The following PNPT1 variants were observed in gnomAD, a reference collection of about 807,000 sequenced individuals.
PNPT1 encodes the protein polyribonucleotide nucleotidyltransferase 1, also known as polyribonucleotide nucleotidyltransferase 1, mitochondrial.
PNPT1 carries 53 observed loss-of-function variants against 119.5 expected under a neutral mutation model. The ratio of observed to expected loss-of-function variants is 0.44; its 90% CI spans 0.36 to 0.56. PNPT1 has a LOEUF of 0.56. Among genes scored for constraint, PNPT1 ranks in the 20% least tolerant of loss-of-function variants. The pLI is 0.00. For synonymous variants in PNPT1, 357 were observed against 322.1 expected, an observed-to-expected ratio of 1.11 and a Z score of -1.16; for missense variants, 948 against 938.5, an observed-to-expected ratio of 1.01 and a Z score of -0.13.
At chr2:55,659,311 C>T (rs1023730988) in intron 15 of PNPT1, among the ~76,000 whole-genome samples, 18 of 152,074 alleles carry the variant, frequency 1.2e-4, no homozygotes, top group African/African-American at 4.3e-4. Context: ...AGGTCTGGTC[C>T]CTTAGGATTT....
At chr2:55,644,269 T>C (rs1021157632) in intron 23 of PNPT1, among the ~76,000 whole-genome samples, 10 of 152,186 alleles carry the variant, frequency 6.6e-5, no homozygotes, top group Non-Finnish European at 1.0e-4. Flanking sequence ...TTTTTTTATA[T>C]ACTCTTTAAA....
intron 7 of PNPT1, among the ~76,000 whole-genome samples, chr2:55,680,221 T>C (rs1170995875): frequency 6.6e-6 from 1 of 152,208 alleles, no homozygotes; most frequent in Non-Finnish European, 1.5e-5. Context: ...ATAACACTGA[T>C]CATAAGTAAT....
intron 5 of PNPT1, 110 bp downstream of exon 5, chr2:55,683,675 C>T (rs1697314408): frequency 1.1e-5 from 9 of 833,440 alleles, no homozygotes; most frequent in Middle Eastern, 3.7e-4. Context: ...ATAACAGTAT[C>T]ATAAAAAATT....
At chr2:55,661,854 C>T in intron 14 of PNPT1, 102 bp downstream of exon 14, 2 of 1,113,318 alleles carry the variant, frequency 1.8e-6, no homozygotes, top group Non-Finnish European at 1.2e-6. Context: ...TACAAAAACA[C>T]AGGTTAAAAA....
Position 55,683,754 on chromosome 2 carries a change from T to A in PNPT1, c.453+31A>T. 4 of 1,577,784 alleles carry A rather than the reference T, an allele frequency of 2.5e-6. No homozygotes were observed. In the South Asian group the frequency reaches 3.4e-5, roughly 13 times the overall value. The stretch of plus-strand genomic sequence containing the variant: ...TTCATTAAGTAATTTTTGATTGATC[T>A]GGCAACTAAAAAACCTAAAGCAGAA... On this transcript the variant is annotated intron_variant, in intron 5 of 27. Transcript: ENST00000447944.
chr2:55,654,188 C>T (rs1044488860), intron 18 of PNPT1, among the ~76,000 whole-genome samples: 2 of 144,792 alleles, frequency 1.4e-5, no homozygotes, highest in African/African-American at 2.6e-5. Flanking sequence ...ACCTGGGAGG[C>T]GGAGGTTGCA....
chr2:55,651,430 A>C (rs1696197243), intron 18 of PNPT1, among the ~76,000 whole-genome samples: 1 of 152,028 alleles, frequency 6.6e-6, no homozygotes, highest in Non-Finnish European at 1.5e-5. Flanking sequence ...TTCTGTACTA[A>C]GAAAAATTCT....
chr2:55,662,552 G>A (rs1696610668), intron 13 of PNPT1, among the ~76,000 whole-genome samples: 2 of 152,320 alleles, frequency 1.3e-5, no homozygotes, highest in African/African-American at 4.8e-5. Context: ...GCATGTGCCT[G>A]TAGTCCCAGC....
At chr2:55,638,219 C>G (rs1286612828) in intron 26 of PNPT1, among the ~76,000 whole-genome samples, 1 of 151,154 alleles carries the variant, frequency 6.6e-6, no homozygotes, top group Non-Finnish European at 1.5e-5. Context: ...GGAGAATTGC[C>G]TGAATCTGGG....
intron 21 of PNPT1, among the ~76,000 whole-genome samples, chr2:55,645,887 G>A (rs1695986134): frequency 6.6e-6 from 1 of 152,004 alleles, no homozygotes. Flanking sequence ...GCGCGCAATG[G>A]CATGATCTCG....
intron 15 of PNPT1, among the ~76,000 whole-genome samples, 167 bp from the exon 16 acceptor site, chr2:55,656,538 T>TA (rs1696394031): frequency 6.6e-6 from 1 of 152,176 alleles, no homozygotes; most frequent in Non-Finnish European, 1.5e-5. Flanking sequence ...AAATTTAACA[T>TA]ACATACCAAA....
In PNPT1 at chr2:55,645,255, A is replaced by G. The variant is rs1294065261; in HGVS notation, c.1822+94T>C. On this transcript the variant is annotated intron_variant, in intron 22 of 27. Transcript: ENST00000447944. ...TAGCCAGGATGGTCTCGATCTCCTG[A>G]CCTTGTGATCCGCTCGCCTCGGCCT... 4.0e-6 allele frequency: 3 copies of G among 750,866 alleles called. No individual in the cohort carries two copies. In the African/African-American group the frequency reaches 5.3e-5, roughly 13 times the overall value. 46.5% of individuals were successfully genotyped at this position (750,866 alleles called of 1,614,324 possible). A position where few individuals can be genotyped will look rare whatever the true frequency, so the allele number is the denominator to read the frequency against.
intron 5 of PNPT1, among the ~76,000 whole-genome samples, chr2:55,682,418 G>A (rs978698162): frequency 4.6e-5 from 7 of 151,884 alleles, no homozygotes; most frequent in African/African-American, 7.2e-5. Context: ...CCGAGATTGC[G>A]CCATTGCACT....
chr2:55,656,375 A>T lies in PNPT1; in HGVS notation c.1285-4T>A. 5.8e-6 allele frequency: 4 copies of T among 688,414 alleles called. No homozygotes were observed. Among genetic ancestry groups the T allele is most frequent in the Non-Finnish European group, 6.2e-6 (3 of 483,848 alleles). The allele number at this position is 688,414 out of a possible 1,614,324, so 42.6% of individuals were successfully genotyped here. A position where few individuals can be genotyped will look rare whatever the true frequency, so the allele number is the denominator to read the frequency against. ...CATTAGTTGCATAAGGAGGAAACTT[A>T]AAAAAAAAAAAACACAAACACACAT... On this transcript the variant is annotated splice_region_variant and splice_polypyrimidine_tract_variant and intron_variant, in intron 15 of 27. Transcript: ENST00000447944.
At chr2:55,673,972 C>T (rs1334047368) in intron 8 of PNPT1, among the ~76,000 whole-genome samples, 1 of 152,176 alleles carries the variant, frequency 6.6e-6, no homozygotes, top group Admixed American at 6.5e-5. Flanking sequence ...ATTAACCCGC[C>T]TCAGCCTCCT....
rs70954140 is a variant in PNPT1 at position 55,635,676 on chromosome 2, A to ATTGGTAC, written c.*560_*561insGTACCAA. On this transcript the variant is annotated 3_prime_UTR_variant, in exon 28 of 28. Transcript: ENST00000447944. ...ATTCCACTCTGTTTATGATTTGGTAACTAATTTGAAAGGCATTATATTATC... is the reference window on the plus strand; with the variant it reads ...ATTCCACTCTGTTTATGATTTGGTAATTGGTACCTAATTTGAAAGGCATTATATTATC... 13 of 152,116 alleles carry ATTGGTAC rather than the reference A, an allele frequency of 8.5e-5. No homozygotes were observed. The highest frequency in any genetic ancestry group is 3.1e-4 in the African/African-American group (13 of 41,434). 9.4% of individuals were successfully genotyped at this position (152,116 alleles called of 1,614,324 possible).
At position 55,647,339 on chromosome 2, in the gene PNPT1, A is replaced by G. The variant is rs1696034735; in HGVS notation, c.1602+8T>C. 6.3e-7 allele frequency: 1 copy of G among 1,587,232 alleles called. No homozygotes were observed. The highest frequency in any genetic ancestry group is 8.6e-7 in the Non-Finnish European group (1 of 1,166,068). ...TTATTAAATATTTGAAACCGAGAAT[A>G]TACTTGCCAAAATATCTGTCAGCAA... On this transcript the variant is annotated splice_region_variant and intron_variant, in intron 19 of 27. Transcript: ENST00000447944.
chr2:55,653,911 C>T (rs898778782), intron 18 of PNPT1, among the ~76,000 whole-genome samples: 2 of 152,088 alleles, frequency 1.3e-5, no homozygotes, highest in African/African-American at 4.8e-5. Context: ...GGTTCCTTCT[C>T]TCTTTCTTCT....
chr2:55,662,480 G>A (rs534674594), intron 13 of PNPT1, among the ~76,000 whole-genome samples: 2 of 152,126 alleles, frequency 1.3e-5, no homozygotes, highest in South Asian at 4.1e-4. Flanking sequence ...TTCGAGATCA[G>A]CCTGGCCGAT....
Sources: gnomAD v4.1 joint callset for allele counts (sites outside exome capture counted in the v4.1 genomes callset) on GRCh38, gnomAD v4.1.1 for gene constraint, MANE v1.5 for transcripts, NCBI Gene and HGNC (gene_info 2026-07-23, HGNC 2026-07-21) for gene names.